Variants in FHAD1 observed in about 807,000 individuals in gnomAD.
The protein encoded by FHAD1 is forkhead associated phosphopeptide binding domain 1.
A neutral mutation model predicts 191.3 loss-of-function variants in FHAD1; 146 were observed. That is an observed-to-expected ratio of 0.76 (90% CI 0.67 to 0.88). FHAD1 has a LOEUF of 0.88. Ranked by LOEUF, FHAD1 falls within the 40% of genes least tolerant of loss-of-function variation. The probability of loss-of-function intolerance (pLI) is 0.00; values close to 1 mark genes in which losing one functional copy is unlikely to be tolerated. For synonymous variants in FHAD1, 616 were observed against 672.3 expected (o/e 0.92, Z 1.29); for missense variants, 1,635 against 1,785.8 (o/e 0.92, Z 1.52).
At chr1:15,336,703 A>C (rs543089607) in intron 14 of FHAD1, among the ~76,000 whole-genome samples, 56 of 152,298 alleles carry the variant, frequency 3.7e-4, no homozygotes, top group Non-Finnish European at 5.1e-4. Flanking sequence ...ATCTTTAAGA[A>C]GCGTGTTGCA....
intron 14 of FHAD1, among the ~76,000 whole-genome samples, chr1:15,336,665 A>G (rs944176264): frequency 1.3e-5 from 2 of 151,994 alleles, no homozygotes; most frequent in African/African-American, 4.8e-5. Flanking sequence ...CTCCTTTTCA[A>G]TTGCTCTTAC....
chr1:15,245,505 G>A (rs530116011), upstream of FHAD1, among the ~76,000 whole-genome samples: 6 of 152,322 alleles, frequency 3.9e-5, no homozygotes, highest in South Asian at 1.2e-3. Context: ...GACTCTTGAG[G>A]GGAAGTGCAT....
intron 16 of FHAD1, among the ~76,000 whole-genome samples, chr1:15,342,608 G>A (rs867638269): frequency 3.9e-5 from 6 of 152,162 alleles, no homozygotes; most frequent in Non-Finnish European, 8.8e-5. Flanking sequence ...CATCTGGAGA[G>A]GGCCAGGAAA....
At chr1:15,323,140 AC>A (rs1676940893) in intron 10 of FHAD1, among the ~76,000 whole-genome samples, 1 of 152,172 alleles carries the variant, frequency 6.6e-6, no homozygotes. Context: ...TCTGGGAGAT[AC>A]AATTGAAGTT....
intron 3 of FHAD1, among the ~76,000 whole-genome samples, chr1:15,288,231 A>G (rs149137857): frequency 6.6e-6 from 1 of 152,370 alleles, no homozygotes; most frequent in Non-Finnish European, 1.5e-5. Context: ...TGAGGAATCA[A>G]TAAGCTCGGT....
intron 2 of FHAD1, among the ~76,000 whole-genome samples, chr1:15,268,876 A>G (rs968752873): frequency 6.6e-6 from 1 of 150,644 alleles, no homozygotes; most frequent in Admixed American, 6.6e-5. Flanking sequence ...GTTTGAGTTC[A>G]TTGTAGATTC....
chr1:15,295,634 C>CAT (rs34586844), intron 4 of FHAD1, among the ~76,000 whole-genome samples: 4,601 of 150,480 alleles, frequency 0.031, 136 homozygotes, highest in African/African-American at 0.085. Flanking sequence ...TCTCTCTAAA[C>CAT]ATATATATAT....
Position 15,355,977 on chromosome 1 carries a change from TAAC to T in FHAD1, c.2563-2132_2563-2130del, listed in dbSNP as rs1468831668. ...CAGAAAATCACTCCAAAGAAAATAATAACTAACATAGAGTCCACTGAGCACAGT... is the reference window on the plus strand; with the variant it reads ...CAGAAAATCACTCCAAAGAAAATAATTAACATAGAGTCCACTGAGCACAGT... On this transcript the variant is annotated intron_variant, in intron 20 of 33. Coordinates refer to ENST00000688493, the MANE Select transcript of FHAD1 (RefSeq NM_001391957.1). 9.3e-5 allele frequency among the ~76,000 whole-genome samples: 13 copies of T among 139,822 alleles called. No individual in the cohort carries two copies. The South Asian group carries it at 3.0e-3, about 32-fold the overall frequency. The allele number at this position is 139,822 out of a possible 152,430, so 91.7% of individuals were successfully genotyped here.
At chr1:15,265,141 GT>G (rs1393582732) in intron 2 of FHAD1, among the ~76,000 whole-genome samples, 1 of 152,128 alleles carries the variant, frequency 6.6e-6, no homozygotes, top group Non-Finnish European at 1.5e-5. Context: ...TTCTTATAAT[GT>G]CTTTGGTTTT....
At chr1:15,324,837 A>T (rs1008210564) in intron 11 of FHAD1, 26 of 473,694 alleles carry the variant, frequency 5.5e-5, no homozygotes, top group African/African-American at 5.0e-4. Context: ...GCCCCCAGTT[A>T]ACCGAGCTCC....
chr1:15,342,620 T>C (rs1416444790), intron 16 of FHAD1, among the ~76,000 whole-genome samples: 1 of 151,558 alleles, frequency 6.6e-6, no homozygotes, highest in African/African-American at 2.4e-5. Context: ...GCCAGGAAAC[T>C]GTATTATTTA....
At chr1:15,352,845 C>G (rs1418063951) in intron 19 of FHAD1, 32 bp from the exon 20 acceptor site, 1 of 1,464,126 alleles carries the variant, frequency 6.8e-7, no homozygotes, top group Non-Finnish European at 9.4e-7. Flanking sequence ...TTTGAGGGCA[C>G]AGGCCCTCAA....
intron 2 of FHAD1, among the ~76,000 whole-genome samples, chr1:15,271,907 A>G (rs1173709449): frequency 1.3e-5 from 2 of 152,166 alleles, no homozygotes; most frequent in Admixed American, 6.5e-5. Context: ...GGAGTCAGGG[A>G]AAAAGAAAAT....
upstream of FHAD1, among the ~76,000 whole-genome samples, chr1:15,245,479 T>C (rs1290747711): frequency 1.3e-5 from 2 of 152,198 alleles, 1 homozygote; most frequent in African/African-American, 4.8e-5. Flanking sequence ...AAAGCTAAAG[T>C]AAAGAAGGCA....
rs771736486 is a variant in FHAD1 at position 15,375,668 on chromosome 1, C to T, written c.3643C>T (p.Gln1215Ter). The change falls in exon 28 of 34, where the codon CAG becomes TAG. Residue 1215 changes from glutamine (Q) to a stop codon, truncating the protein, a stop_gained. Coordinates refer to ENST00000688493, the MANE Select transcript of FHAD1 (RefSeq NM_001391957.1). LOFTEE classifies it high-confidence loss of function. ...GAACCTCAGAATGGAAAACAATGTC[C>T]AGAAAATACTACTGGATGCAAAACC... The part of the protein sequence containing the change: ...LKNLRMENNV[Q>*]KILLDAKPDL... The T allele has an allele frequency of 3.2e-6, 5 of 1,548,088 alleles. No individual in the cohort carries two copies. Among genetic ancestry groups the T allele is most frequent in the Non-Finnish European group, 4.4e-6 (5 of 1,145,664 alleles).
intron 11 of FHAD1, 62 bp from the exon 12 acceptor site, chr1:15,326,997 C>T (rs950532601): frequency 2.6e-5 from 27 of 1,029,032 alleles, no homozygotes; most frequent in South Asian, 4.1e-5. Flanking sequence ...GCCATGGAAA[C>T]GCTGCCCCCA....
At chr1:15,396,785 G>A (rs779679905) in intron 33 of FHAD1, among the ~76,000 whole-genome samples, 3 of 152,054 alleles carry the variant, frequency 2.0e-5, no homozygotes, top group Non-Finnish European at 4.4e-5. Context: ...ACTCCAGCCT[G>A]GGCCACAGAA....
At position 15,289,477 on chromosome 1, in the gene FHAD1, GC is replaced by G. The variant is rs756234754; in HGVS notation, c.386del (p.Pro129HisfsTer39). 5.2e-6 allele frequency: 8 copies of G among 1,551,626 alleles called. No homozygotes were observed. Among genetic ancestry groups the G allele is most frequent in the Middle Eastern group, 1.7e-4 (1 of 6,014 alleles). ...PPRATQQPNQAPPPSHIPFHQ... is the reference protein window; with the variant it reads ...PPRATQQPNQXPPPSHIPFHQ... ...TCGTGCCACACAGCAGCCAAACCAGGCCCCCCCACCATCACATATCCCCTTC... is the reference window on the plus strand; with the variant it reads ...TCGTGCCACACAGCAGCCAAACCAGGCCCCCCACCATCACATATCCCCTTC... On this transcript the variant is annotated frameshift_variant, in exon 4 of 34. Transcript: ENST00000688493. LOFTEE classifies it high-confidence loss of function. The surrounding 1 kb of genome is among the most constrained non-coding windows in gnomAD (Gnocchi z 4.2).
rs1226955094 is a variant in FHAD1, at chr1:15,312,998, G to T, written c.1040-59G>T. 6.5e-7 allele frequency: 1 copy of T among 1,539,818 alleles called. No homozygotes were observed. Among genetic ancestry groups the T allele is most frequent in the Admixed American group, 2.0e-5 (1 of 50,282 alleles). The stretch of plus-strand genomic sequence containing the variant: ...GCTCGTCACAAACTGGTTGACAGCG[G>T]CAGCGATGACAGTCATCCTCACTGC... On this transcript the variant is annotated intron_variant, in intron 7 of 33. Coordinates refer to ENST00000688493, the MANE Select transcript of FHAD1 (RefSeq NM_001391957.1). This position sits in a 1 kb window ranked among gnomAD's most constrained non-coding sequence, Gnocchi z 4.7.
Sources: gnomAD v4.1 joint callset for allele counts (sites outside exome capture counted in the v4.1 genomes callset) on GRCh38, gnomAD v4.1.1 for gene constraint, Gnocchi (gnomAD v3.1) non-coding constraint, MANE v1.5 for transcripts, NCBI Gene and HGNC (gene_info 2026-07-23, HGNC 2026-07-21) for gene names.